CCDC148: variants seen among roughly 807,000 people sequenced by gnomAD.
CCDC148 encodes coiled-coil domain-containing protein 148.
CCDC148 carries 89 observed loss-of-function variants against 85.7 expected under a neutral mutation model. That is an observed-to-expected ratio of 1.04 (90% CI 0.87 to 1.24). CCDC148 has a LOEUF of 1.24. CCDC148 is among the 50% of genes most tolerant of loss of function. The probability of loss-of-function intolerance (pLI) is 0.00; values close to 1 mark genes in which losing one functional copy is unlikely to be tolerated. For synonymous variants in CCDC148, 230 were observed against 213.9 expected (o/e 1.08, Z -0.66); for missense variants, 692 against 671.7 (o/e 1.03, Z -0.33).
At chr2:158,179,771 G>A (rs1337051795) in intron 11 of CCDC148, among the ~76,000 whole-genome samples, 1 of 152,082 alleles carries the variant, frequency 6.6e-6, no homozygotes, top group Non-Finnish European at 1.5e-5. Flanking sequence ...TACATATATT[G>A]TCATCTACAT....
At chr2:158,241,797 T>C (rs1458871043) in intron 10 of CCDC148, among the ~76,000 whole-genome samples, 1 of 152,132 alleles carries the variant, frequency 6.6e-6, no homozygotes, top group Non-Finnish European at 1.5e-5. Flanking sequence ...GTAAATGAAA[T>C]ATGTTGAGCC....
intron 2 of CCDC148, among the ~76,000 whole-genome samples, chr2:158,349,832 T>G (rs1408398622): frequency 2.0e-5 from 3 of 152,116 alleles, no homozygotes; most frequent in Non-Finnish European, 2.9e-5. Flanking sequence ...TTGTTCTCAC[T>G]AACTGAAATT....
intron 9 of CCDC148, among the ~76,000 whole-genome samples, chr2:158,262,495 A>G (rs1368033275): frequency 6.6e-6 from 1 of 151,962 alleles, no homozygotes; most frequent in Non-Finnish European, 1.5e-5. Flanking sequence ...CTTCACATGT[A>G]CCCCTGTATT....
At chr2:158,371,556 C>T (rs1574710948) in intron 1 of CCDC148, among the ~76,000 whole-genome samples, 1 of 151,832 alleles carries the variant, frequency 6.6e-6, no homozygotes, top group African/African-American at 2.4e-5. Context: ...TTTGTAAGTA[C>T]TTATATATAT....
In CCDC148 at chr2:158,204,530, C is replaced by T. The variant is rs113851111; in HGVS notation, c.1370+16065G>A. 7.1e-3 allele frequency among the ~76,000 whole-genome samples: 1,088 copies of T among 152,180 alleles called. 10 individuals carry two copies. The highest frequency in any genetic ancestry group is 0.024 in the African/African-American group (1,017 of 41,518). ...TGAGGCCACTATGCTTTGAAGAAGC[C>T]GAGCTTCATGGAGAGACCATGCAAA... On this transcript the variant is annotated intron_variant, in intron 11 of 13. Coordinates refer to ENST00000283233, the MANE Select transcript of CCDC148 (RefSeq NM_138803.4).
intron 9 of CCDC148, among the ~76,000 whole-genome samples, 160 bp from the exon 10 acceptor site, chr2:158,251,072 G>A (rs916745378): frequency 2.0e-5 from 3 of 151,698 alleles, no homozygotes; most frequent in East Asian, 1.9e-4. Flanking sequence ...TCTGTGAAAC[G>A]TGTGTGTTAG....
Position 158,171,831 on chromosome 2 carries a change from C to G in CCDC148, c.*282G>C, listed in dbSNP as rs10497195. On this transcript the variant is annotated 3_prime_UTR_variant, in exon 14 of 14. Coordinates refer to ENST00000283233, the MANE Select transcript of CCDC148 (RefSeq NM_138803.4). ...GAGCTCTTTTTATAGGATAACATAA[C>G]CTCCAACATGTAGTTTACTAAATTA... 5.1e-6 allele frequency: 1 copy of G among 195,156 alleles called. No homozygotes were observed. The highest frequency in any genetic ancestry group is 2.3e-5 in the African/African-American group (1 of 43,028). The allele number at this position is 195,156 out of a possible 1,614,324, so 12.1% of individuals were successfully genotyped here.
chr2:158,236,394 T>A (rs1688109285), intron 10 of CCDC148, among the ~76,000 whole-genome samples: 1 of 152,170 alleles, frequency 6.6e-6, no homozygotes, highest in Admixed American at 6.6e-5. Context: ...AAGGTCTGTT[T>A]TCAGTATGGG....
intron 1 of CCDC148, among the ~76,000 whole-genome samples, chr2:158,444,575 G>T (rs957657156): frequency 2.0e-5 from 3 of 151,820 alleles, no homozygotes; most frequent in Non-Finnish European, 2.9e-5. Flanking sequence ...GAGCCCAGGA[G>T]CTCAAGACCA....
intron 2 of CCDC148, among the ~76,000 whole-genome samples, chr2:158,352,869 G>C (rs1196429611): frequency 1.3e-5 from 2 of 152,134 alleles, no homozygotes; most frequent in Admixed American, 1.3e-4. Flanking sequence ...CAGACTAGCA[G>C]CGGATCTCTT....
chr2:158,196,193 C>G (rs1685660024), intron 11 of CCDC148, among the ~76,000 whole-genome samples: 1 of 152,092 alleles, frequency 6.6e-6, no homozygotes, highest in Non-Finnish European at 1.5e-5. Flanking sequence ...ACAAAGGTAA[C>G]AAATACTAAA....
At chr2:158,180,421 G>C (rs1018032051) in intron 11 of CCDC148, among the ~76,000 whole-genome samples, 2 of 152,174 alleles carry the variant, frequency 1.3e-5, no homozygotes, top group African/African-American at 4.8e-5. Flanking sequence ...TGAGAATTTG[G>C]AGAAAGGTGA....
intron 11 of CCDC148, among the ~76,000 whole-genome samples, chr2:158,185,127 T>C (rs1465293581): frequency 6.6e-6 from 1 of 152,162 alleles, no homozygotes; most frequent in Non-Finnish European, 1.5e-5. Context: ...TTGGTATTAT[T>C]GACATTCCAG....
At chr2:158,331,204 T>TTG (rs908227979) in intron 7 of CCDC148, among the ~76,000 whole-genome samples, 8 of 150,894 alleles carry the variant, frequency 5.3e-5, no homozygotes, top group Non-Finnish European at 7.4e-5. Context: ...TTCTGGTAGG[T>TTG]TGTCTTTGTT....
chr2:158,354,850 T>C (rs1476425395), intron 2 of CCDC148, among the ~76,000 whole-genome samples: 1 of 151,020 alleles, frequency 6.6e-6, no homozygotes, highest in African/African-American at 2.4e-5. Context: ...GCAAAACGAA[T>C]CCAGCAGCAC....
intron 2 of CCDC148, among the ~76,000 whole-genome samples, chr2:158,348,439 A>C (rs962553511): frequency 1.1e-3 from 67 of 63,752 alleles, no homozygotes; most frequent in Non-Finnish European, 1.7e-3. Context: ...CAAATCTACA[A>C]AAAAAAAAAG....
At chr2:158,318,750 T>C (rs1170975604) in intron 7 of CCDC148, among the ~76,000 whole-genome samples, 2 of 151,492 alleles carry the variant, frequency 1.3e-5, no homozygotes, top group Admixed American at 6.6e-5. Flanking sequence ...TAAAATAACA[T>C]GACCGAGATA....
At chr2:158,238,497 G>A (rs1405917857) in intron 10 of CCDC148, among the ~76,000 whole-genome samples, 1 of 152,048 alleles carries the variant, frequency 6.6e-6, no homozygotes, top group Non-Finnish European at 1.5e-5. Flanking sequence ...CAAAAGAATG[G>A]CACTGAGGAG....
chr2:158,383,087 G>T (rs1361761369), intron 1 of CCDC148, among the ~76,000 whole-genome samples: 4 of 151,972 alleles, frequency 2.6e-5, no homozygotes, highest in African/African-American at 9.6e-5. Flanking sequence ...ATCACCTGAG[G>T]TCAGGAGTTC....
Sources: gnomAD v4.1 joint callset for allele counts (sites outside exome capture counted in the v4.1 genomes callset) on GRCh38, gnomAD v4.1.1 for gene constraint, MANE v1.5 for transcripts, NCBI Gene and HGNC (gene_info 2026-07-23, HGNC 2026-07-21) for gene names.